SLCO3A1: variants seen among roughly 807,000 people sequenced by gnomAD.
SLCO3A1 encodes solute carrier organic anion transporter family member 3A1, also known as PGE1 transporter.
Under a neutral mutation model 63.1 loss-of-function variants are expected in SLCO3A1, and 27 were observed. That is an observed-to-expected ratio of 0.43 (90% CI 0.32 to 0.59). The LOEUF is 0.59. Ranked by LOEUF, SLCO3A1 falls within the 20% of genes least tolerant of loss-of-function variation. The pLI is 0.09. For missense variants in SLCO3A1, 773 were observed against 945.8 expected, an observed-to-expected ratio of 0.82 and a Z score of 2.40; for synonymous variants, 473 against 409.9, an observed-to-expected ratio of 1.15 and a Z score of -1.86.
chr15:92,157,531 C>T (rs1372054795), intron 9 of SLCO3A1, among the ~76,000 whole-genome samples: 1 of 149,540 alleles, frequency 6.7e-6, no homozygotes, highest in Middle Eastern at 3.4e-3. Context: ...CAGTCTGTCA[C>T]GCAGGATGGA....
At chr15:92,136,346 A>C (rs1404937867) in intron 7 of SLCO3A1, among the ~76,000 whole-genome samples, 18 of 152,194 alleles carry the variant, frequency 1.2e-4, no homozygotes. Flanking sequence ...GGGGAAAATA[A>C]CAGGCAGAAA....
intron 2 of SLCO3A1, among the ~76,000 whole-genome samples, chr15:92,054,090 A>G (rs975543080): frequency 1.3e-5 from 2 of 152,196 alleles, no homozygotes; most frequent in African/African-American, 4.8e-5. Flanking sequence ...TTGATTTACA[A>G]TCCAGTACTG....
chr15:91,951,648 T>C (rs1383195404), intron 2 of SLCO3A1, among the ~76,000 whole-genome samples: 1 of 151,418 alleles, frequency 6.6e-6, no homozygotes, highest in Non-Finnish European at 1.5e-5. Context: ...CTCTGCTGCC[T>C]GGGTTCAAGC....
chr15:91,865,944 G>A lies in SLCO3A1; in HGVS notation c.180+11856G>A, dbSNP rs763195990. Among the ~76,000 whole-genome samples the A allele has an allele frequency of 2.0e-5, 3 of 152,218 alleles. No individual in the cohort carries two copies. Among genetic ancestry groups the A allele is most frequent in the Non-Finnish European group, 4.4e-5 (3 of 68,036 alleles). On this transcript the variant is annotated intron_variant, in intron 1 of 9. Transcript: ENST00000318445. The surrounding 1 kb of genome is among the most constrained non-coding windows in gnomAD (Gnocchi z 4.6). ...AAAGGCAAACTCTGTCTTCTTAAGT[G>A]TTTGGGTGAGGTAGGAGGATTGTTG...
intron 2 of SLCO3A1, among the ~76,000 whole-genome samples, chr15:92,056,160 G>A (rs914843205): frequency 6.6e-6 from 1 of 151,992 alleles, no homozygotes; most frequent in Non-Finnish European, 1.5e-5. Context: ...ATTTGAAGAT[G>A]TATCTTCCTT....
At chr15:91,937,477 C>T (rs899092435) in intron 2 of SLCO3A1, among the ~76,000 whole-genome samples, 13 of 152,002 alleles carry the variant, frequency 8.6e-5, no homozygotes, top group African/African-American at 3.1e-4. Flanking sequence ...CCCAGTACTT[C>T]CGGAGGCCGA....
intron 9 of SLCO3A1, among the ~76,000 whole-genome samples, chr15:92,152,409 A>G (rs1314534679): frequency 6.6e-6 from 1 of 152,188 alleles, no homozygotes; most frequent in Non-Finnish European, 1.5e-5. Context: ...GTTCCTTGGT[A>G]TATACATGGG....
At position 92,132,081 on chromosome 15, in the gene SLCO3A1, C is replaced by G. The variant is rs1285386312; in HGVS notation, c.1512+3592C>G. ...GCCCTGTACTGACCTCAGAGAGCCC[C>G]AGGGATCCAGGGGTAATACCATTCT... On this transcript the variant is annotated intron_variant, in intron 7 of 9. Coordinates refer to ENST00000318445, the MANE Select transcript of SLCO3A1 (RefSeq NM_013272.4). Among the ~76,000 whole-genome samples, 5 of 145,586 alleles carry G rather than the reference C, an allele frequency of 3.4e-5. 1 individual carries two copies. Among genetic ancestry groups the G allele is most frequent in the African/African-American group, 1.2e-4 (5 of 40,144 alleles).
intron 3 of SLCO3A1, 117 bp downstream of exon 3, chr15:92,095,096 G>GGAGGT: frequency 2.9e-6 from 2 of 695,272 alleles, no homozygotes; most frequent in African/African-American, 1.7e-5. Flanking sequence ...TGATGCCCCT[G>GGAGGT]CCTCTGTAGC....
intron 2 of SLCO3A1, among the ~76,000 whole-genome samples, chr15:92,044,507 A>G (rs957624644): frequency 6.6e-6 from 1 of 151,800 alleles, no homozygotes; most frequent in Non-Finnish European, 1.5e-5. Context: ...TTCCCTTCAT[A>G]CCCAAGTGGA....
At chr15:92,152,916 A>T (rs2048325920) in intron 9 of SLCO3A1, among the ~76,000 whole-genome samples, 2 of 152,244 alleles carry the variant, frequency 1.3e-5, no homozygotes, top group Admixed American at 1.3e-4. Context: ...CTCTAGACAG[A>T]TACTAAGGAC....
chr15:91,990,522 G>A (rs1005189298), intron 2 of SLCO3A1, among the ~76,000 whole-genome samples: 2 of 151,776 alleles, frequency 1.3e-5, no homozygotes, highest in Admixed American at 1.3e-4. Context: ...TTAAGGCACT[G>A]TTCTTAACCC....
At chr15:91,905,297 G>A (rs773366778) in intron 1 of SLCO3A1, among the ~76,000 whole-genome samples, 14 of 152,150 alleles carry the variant, frequency 9.2e-5, no homozygotes, top group Non-Finnish European at 2.1e-4. Flanking sequence ...AGTGTATATA[G>A]CTATCCCTTG....
chr15:92,097,961 T>C lies in SLCO3A1; in HGVS notation c.745+2982T>C, dbSNP rs578040119. 5.2e-4 allele frequency: 80 copies of C among 152,386 alleles called. 1 individual carries two copies. The highest frequency in any genetic ancestry group is 1.9e-3 in the African/African-American group (79 of 41,572). 9.4% of individuals were successfully genotyped at this position (152,386 alleles called of 1,614,324 possible). Reference sequence around the variant, plus strand: ...TCCTTGCTTTCCTAAAACAGTGCTCTTCTGTAGGGCTGTCCAATGTATGGG... The same window carrying C: ...TCCTTGCTTTCCTAAAACAGTGCTCCTCTGTAGGGCTGTCCAATGTATGGG... On this transcript the variant is annotated intron_variant, in intron 3 of 9. Coordinates refer to ENST00000318445, the MANE Select transcript of SLCO3A1 (RefSeq NM_013272.4).
chr15:92,114,592 C>T (rs761881125), intron 4 of SLCO3A1, among the ~76,000 whole-genome samples: 2 of 152,076 alleles, frequency 1.3e-5, no homozygotes, highest in African/African-American at 4.8e-5. Context: ...CCCATGCTTC[C>T]GTCACAGTAT....
chr15:92,033,694 A>G lies in SLCO3A1; in HGVS notation c.647-61187A>G, dbSNP rs1431263448. On this transcript the variant is annotated intron_variant, in intron 2 of 9. Coordinates refer to ENST00000318445, the MANE Select transcript of SLCO3A1 (RefSeq NM_013272.4). The surrounding 1 kb of genome is among the most constrained non-coding windows in gnomAD (Gnocchi z 4.5). ...AGAGAGACAGTAAACAATATAACTA[A>G]GAAGAGTAGGTGGTGGCTCGCTGGT... Among the ~76,000 whole-genome samples, 1 of 152,170 alleles carries G rather than the reference A, an allele frequency of 6.6e-6. No individual in the cohort carries two copies. The highest frequency in any genetic ancestry group is 1.5e-5 in the Non-Finnish European group (1 of 68,018).
chr15:92,164,148 T>G lies in SLCO3A1; in HGVS notation c.*1013T>G. The G allele has an allele frequency of 1.0e-6, 1 of 984,786 alleles. No homozygotes were observed. The highest frequency in any genetic ancestry group is 4.7e-5 in the South Asian group (1 of 21,278). 61.0% of individuals were successfully genotyped at this position (984,786 alleles called of 1,614,324 possible). A position where few individuals can be genotyped will look rare whatever the true frequency, so the allele number is the denominator to read the frequency against. On this transcript the variant is annotated 3_prime_UTR_variant, in exon 10 of 10. Transcript: ENST00000318445. The stretch of plus-strand genomic sequence containing the variant: ...TAACCCTTCAAGTCACTAACACAGT[T>G]CTCTAGGCCGGATTTATTATGCTGG...
intron 2 of SLCO3A1, among the ~76,000 whole-genome samples, chr15:91,939,832 A>G (rs1899555924): frequency 6.6e-6 from 1 of 152,166 alleles, no homozygotes; most frequent in South Asian, 2.1e-4. Context: ...GCTTCGAGCC[A>G]TGCCAGCCCG....
intron 2 of SLCO3A1, among the ~76,000 whole-genome samples, chr15:91,920,660 A>G (rs994210163): frequency 2.6e-5 from 4 of 152,086 alleles, no homozygotes; most frequent in Non-Finnish European, 5.9e-5. Flanking sequence ...ATACCTTCAC[A>G]TGCCATTCAT....
Sources: gnomAD v4.1 joint callset for allele counts (sites outside exome capture counted in the v4.1 genomes callset) on GRCh38, gnomAD v4.1.1 for gene constraint, Gnocchi (gnomAD v3.1) non-coding constraint, MANE v1.5 for transcripts, NCBI Gene and HGNC (gene_info 2026-07-23, HGNC 2026-07-21) for gene names.